Variants in CACNA2D1 observed in about 807,000 individuals in gnomAD.
CACNA2D1 encodes voltage-dependent calcium channel subunit alpha-2/delta-1.
In CACNA2D1, 53 loss-of-function variants were observed where a neutral mutation model predicts 171.5. The observed-to-expected ratio is 0.31, with a 90% confidence interval of 0.25 to 0.39. The LOEUF (loss-of-function observed/expected upper bound fraction) is 0.39, where lower values mean the gene tolerates loss of function less well. Ranked by LOEUF, CACNA2D1 falls within the 10% of genes least tolerant of loss-of-function variation. The pLI is 1.00. For missense variants in CACNA2D1, 903 were observed against 1,299.8 expected (o/e 0.69, Z 4.69); for synonymous variants, 442 against 443.1 (o/e 1.00, Z 0.03).
intron 3 of CACNA2D1, among the ~76,000 whole-genome samples, chr7:82,242,516 A>T (rs1019933791): frequency 1.3e-5 from 2 of 152,144 alleles, no homozygotes; most frequent in Non-Finnish European, 2.9e-5. Context: ...ATCTATACTC[A>T]TTTCTACCAG....
intron 1 of CACNA2D1, among the ~76,000 whole-genome samples, chr7:82,435,546 C>T (rs1830049624): frequency 6.6e-6 from 1 of 152,096 alleles, no homozygotes. Context: ...CCAAATCTCA[C>T]AACCACCAAG....
chr7:82,201,976 A>C (rs1012008059), intron 3 of CACNA2D1, among the ~76,000 whole-genome samples: 1 of 152,158 alleles, frequency 6.6e-6, no homozygotes, highest in East Asian at 1.9e-4. Context: ...TAAGACAATG[A>C]TACTGTCCTG....
At chr7:82,127,131 G>A (rs576655293) in intron 5 of CACNA2D1, among the ~76,000 whole-genome samples, 9 of 152,314 alleles carry the variant, frequency 5.9e-5, no homozygotes, top group African/African-American at 1.9e-4. Context: ...TGGACCTAGG[G>A]AAACTACATT....
intron 3 of CACNA2D1, among the ~76,000 whole-genome samples, chr7:82,201,099 T>G (rs947230491): frequency 6.6e-6 from 1 of 152,196 alleles, no homozygotes; most frequent in Non-Finnish European, 1.5e-5. Flanking sequence ...CAACAAATAA[T>G]AGATGTGATA....
At chr7:81,951,334 A>T (rs1292405039) in intron 38 of CACNA2D1, among the ~76,000 whole-genome samples, 1 of 152,010 alleles carries the variant, frequency 6.6e-6, no homozygotes, top group Non-Finnish European at 1.5e-5. Flanking sequence ...TTTCATTTTT[A>T]AAAACCTCCT....
At chr7:82,126,967 A>G (rs1790395706) in intron 5 of CACNA2D1, among the ~76,000 whole-genome samples, 1 of 152,234 alleles carries the variant, frequency 6.6e-6, no homozygotes, top group African/African-American at 2.4e-5. Flanking sequence ...TTTTGTTAAA[A>G]GAACTTGGTT....
intron 4 of CACNA2D1, among the ~76,000 whole-genome samples, chr7:82,137,893 A>C (rs540254563): frequency 6.6e-6 from 1 of 152,064 alleles, no homozygotes; most frequent in South Asian, 2.1e-4. Flanking sequence ...AACATATAAT[A>C]CACAATTTTT....
chr7:81,951,410 C>A (rs1792506621), intron 38 of CACNA2D1, among the ~76,000 whole-genome samples: 1 of 151,780 alleles, frequency 6.6e-6, no homozygotes, highest in Non-Finnish European at 1.5e-5. Context: ...ATGGATAATT[C>A]TTTAGTGGTG....
At chr7:81,958,150 G>C (rs1793660866) in intron 38 of CACNA2D1, among the ~76,000 whole-genome samples, 1 of 151,778 alleles carries the variant, frequency 6.6e-6, no homozygotes, top group African/African-American at 2.4e-5. Context: ...TCCCTAGCAA[G>C]GATCAATAAT....
At chr7:82,385,024 C>G (rs1267382504) in intron 1 of CACNA2D1, among the ~76,000 whole-genome samples, 1 of 152,250 alleles carries the variant, frequency 6.6e-6, no homozygotes, top group African/African-American at 2.4e-5. Flanking sequence ...GCTTTCTCCT[C>G]TGTAGGCATT....
intron 12 of CACNA2D1, among the ~76,000 whole-genome samples, chr7:82,022,189 A>T (rs1037111049): frequency 2.0e-5 from 3 of 151,248 alleles, no homozygotes; most frequent in African/African-American, 7.3e-5. Context: ...ACTCTATGAG[A>T]AACAAGTGTA....
rs979410455 is a variant in CACNA2D1, at chr7:81,947,531, G to T, written c.*2861C>A. 1 of 151,998 alleles carries T rather than the reference G, an allele frequency of 6.6e-6. No individual in the cohort carries two copies. The highest frequency in any genetic ancestry group is 2.4e-5 in the African/African-American group (1 of 41,546). The allele number at this position is 151,998 out of a possible 1,614,324, so 9.4% of individuals were successfully genotyped here. ...GTTGTTTAAATGAGGAAAATAAAAAGAAATCATTAATGCAAAATTCTTTCT... is the reference window on the plus strand; with the variant it reads ...GTTGTTTAAATGAGGAAAATAAAAATAAATCATTAATGCAAAATTCTTTCT... On this transcript the variant is annotated 3_prime_UTR_variant, in exon 39 of 39. Transcript: ENST00000356860.
chr7:82,183,485 G>GA (rs1395503175), intron 3 of CACNA2D1, among the ~76,000 whole-genome samples: 1 of 152,104 alleles, frequency 6.6e-6, no homozygotes, highest in Middle Eastern at 3.2e-3. Context: ...GTACAATTAA[G>GA]AATATAAGAA....
chr7:82,186,712 G>A (rs2129179953), intron 3 of CACNA2D1, among the ~76,000 whole-genome samples: 1 of 152,114 alleles, frequency 6.6e-6, no homozygotes, highest in East Asian at 1.9e-4. Context: ...AAAAGAAATA[G>A]AAGGTAAGAT....
chr7:82,111,444 A>ATATATATATATATT (rs1207440298), intron 6 of CACNA2D1, among the ~76,000 whole-genome samples: 4 of 69,962 alleles, frequency 5.7e-5, no homozygotes, highest in African/African-American at 2.7e-4. Context: ...ATATATATAT[A>ATATATATATATATT]TTTTTTTTTT....
chr7:82,424,157 T>G (rs1389937943), intron 1 of CACNA2D1, among the ~76,000 whole-genome samples: 1 of 152,108 alleles, frequency 6.6e-6, no homozygotes, highest in Admixed American at 6.5e-5. Flanking sequence ...TGCTAGCAAA[T>G]TAATTATTGC....
chr7:82,429,664 C>T (rs1033534322), intron 1 of CACNA2D1, among the ~76,000 whole-genome samples: 2 of 152,092 alleles, frequency 1.3e-5, no homozygotes, highest in South Asian at 2.1e-4. Context: ...ATAATTATCA[C>T]GCATGATTTG....
chr7:82,043,181 G>A (rs759806197), intron 10 of CACNA2D1, among the ~76,000 whole-genome samples: 7 of 152,154 alleles, frequency 4.6e-5, no homozygotes, highest in Non-Finnish European at 7.4e-5. Context: ...AGATTTATAA[G>A]TAGATGAATT....
At position 82,184,654 on chromosome 7, in the gene CACNA2D1, G is replaced by A. The variant is rs142162454; in HGVS notation, c.295-14045C>T. On this transcript the variant is annotated intron_variant, in intron 3 of 38. Coordinates refer to ENST00000356860, the MANE Select transcript of CACNA2D1 (RefSeq NM_000722.4). ...AAGCAGTGACAAATTTTAAGCTCTC[G>A]AGTCTCAAGTACAAAGTTCAAGAAG... Among the ~76,000 whole-genome samples, 548 of 152,014 alleles carry A rather than the reference G, an allele frequency of 3.6e-3. 2 individuals are homozygous for A. The highest frequency in any genetic ancestry group is 0.013 in the African/African-American group (519 of 41,494).
Sources: gnomAD v4.1 joint callset for allele counts (sites outside exome capture counted in the v4.1 genomes callset) on GRCh38, gnomAD v4.1.1 for gene constraint, MANE v1.5 for transcripts, NCBI Gene and HGNC (gene_info 2026-07-23, HGNC 2026-07-21) for gene names.